NBEAL2: variants seen among roughly 807,000 people sequenced by gnomAD.
NBEAL2 encodes the protein neurobeachin like 2, also known as neurobeachin-like protein 2.
A neutral mutation model predicts 299.8 loss-of-function variants in NBEAL2; 160 were observed. That is an observed-to-expected ratio of 0.53 (90% CI 0.47 to 0.61). The LOEUF is 0.61. NBEAL2 is among the 20% of genes least tolerant of loss of function. NBEAL2 has a pLI of 0.00. For synonymous variants in NBEAL2, 1,493 were observed against 1,542.3 expected, an observed-to-expected ratio of 0.97 and a Z score of 0.75; for missense variants, 3,112 against 3,649.0, an observed-to-expected ratio of 0.85 and a Z score of 3.79.
intron 53 of NBEAL2, 23 bp downstream of exon 53, chr3:47,009,147 G>T: frequency 9.8e-7 from 1 of 1,022,212 alleles, no homozygotes; most frequent in Non-Finnish European, 1.5e-6. Flanking sequence ...CGGGGGTGGG[G>T]AGGCCCCTCG....
intron 45 of NBEAL2, among the ~76,000 whole-genome samples, chr3:47,006,792 G>T (rs1296315981): frequency 6.6e-6 from 1 of 152,100 alleles, no homozygotes; most frequent in African/African-American, 2.4e-5. Context: ...CTGCCTTTGG[G>T]CTAGGGGGAC....
intron 19 of NBEAL2, 44 bp from the exon 20 acceptor site, chr3:46,997,517 G>GCAGGC (rs2036593611): frequency 6.3e-7 from 1 of 1,584,214 alleles, no homozygotes; most frequent in Non-Finnish European, 8.6e-7. Flanking sequence ...CTGGCCACTG[G>GCAGGC]CAGGCCCTTG....
At chr3:46,985,925 C>T (rs1383542019) in intron 1 of NBEAL2, among the ~76,000 whole-genome samples, 1 of 152,226 alleles carries the variant, frequency 6.6e-6, no homozygotes, top group African/African-American at 2.4e-5. Context: ...TCACATGCAG[C>T]ACTGCCACCA....
chr3:46,992,584 C>T (rs1231765400), intron 10 of NBEAL2, 29 bp downstream of exon 10: 1 of 1,560,634 alleles, frequency 6.4e-7, no homozygotes, highest in Non-Finnish European at 8.7e-7. Context: ...CCAGCTCAGA[C>T]ACCCCCTGGG....
chr3:47,009,430 G>A lies in NBEAL2; in HGVS notation c.*110G>A. 2 of 971,662 alleles carry A rather than the reference G, an allele frequency of 2.1e-6. No individual in the cohort carries two copies. The highest frequency in any genetic ancestry group is 1.5e-5 in the South Asian group (1 of 66,032). 60.2% of individuals were successfully genotyped at this position (971,662 alleles called of 1,614,324 possible). ...GGGTGGGCAGCCCAGGGGGGTGAGC[G>A]GGGCCCACCCTGCCCAGCTCAGGGA... is the stretch of plus-strand genomic sequence containing the variant. On this transcript the variant is annotated 3_prime_UTR_variant, in exon 54 of 54. Transcript: ENST00000450053.
chr3:47,001,603 C>G lies in NBEAL2; in HGVS notation c.4645-86C>G, dbSNP rs1220474447. On this transcript the variant is annotated intron_variant, in intron 29 of 53. Transcript: ENST00000450053. This position sits in a 1 kb window ranked among gnomAD's most constrained non-coding sequence, Gnocchi z 6.1. ...CTGTGTGCACAAACCCTACCTGGCC[C>G]CCAGCGCAAACTTTACTTTGCTCCC... The G allele has an allele frequency of 1.9e-6, 3 of 1,583,310 alleles. No homozygotes were observed. The highest frequency in any genetic ancestry group is 2.6e-6 in the Non-Finnish European group (3 of 1,163,228).
At chr3:46,985,877 C>G (rs1279850627) in intron 1 of NBEAL2, among the ~76,000 whole-genome samples, 1 of 152,190 alleles carries the variant, frequency 6.6e-6, no homozygotes, top group Non-Finnish European at 1.5e-5. Flanking sequence ...GCATGGGAAG[C>G]CTGAGCATCA....
At chr3:46,994,390 G>A in intron 11 of NBEAL2, 65 bp from the exon 12 acceptor site, 5 of 1,428,878 alleles carry the variant, frequency 3.5e-6, no homozygotes, top group Non-Finnish European at 4.8e-6. Context: ...AGAGTTTCCA[G>A]GGGGTCTGAG....
rs1468687544 is a variant in NBEAL2 at position 46,998,977 on chromosome 3, C to T, written c.3403C>T (p.Leu1135=). 4.4e-6 allele frequency: 7 copies of T among 1,607,670 alleles called. No homozygotes were observed. The highest frequency in any genetic ancestry group is 5.9e-6 in the Non-Finnish European group (7 of 1,177,330). ...DDGQAVGALD[L]LLALLHGSLV... Reference sequence around the variant, plus strand: ...TCCCCAGGCGGTGGGTGCGCTGGACCTGCTGCTGGCCCTGCTGCACGGTTC... The same window carrying T: ...TCCCCAGGCGGTGGGTGCGCTGGACTTGCTGCTGGCCCTGCTGCACGGTTC... Residue 1135 remains leucine, a synonymous_variant, in exon 24 of 54, where the codon CTG becomes TTG. Coordinates refer to ENST00000450053, the MANE Select transcript of NBEAL2 (RefSeq NM_015175.3).
In NBEAL2 at chr3:46,996,823, A is replaced by T; in HGVS notation, c.2546A>T (p.Tyr849Phe). The change falls in exon 17 of 54, where the codon TAC becomes TTC. Residue 849 changes from tyrosine (Y) to phenylalanine (F), a missense_variant. Physicochemically the swap from Tyr to Phe is conservative, Grantham distance 22. This residue lies in a region of NBEAL2 where 2,243 missense variants were observed against 2,538.1 expected (regional missense o/e 0.88). Coordinates refer to ENST00000450053, the MANE Select transcript of NBEAL2 (RefSeq NM_015175.3). ...CTCAGCACCAGGCTGCTCCTCCATT[A>T]CTCACCTCAGGTATTTGGGGGCCCC... ...HELSTRLLLH[Y>F]SPQACKNNIC... The T allele has an allele frequency of 7.4e-6, 12 of 1,612,412 alleles. No homozygotes were observed. Among genetic ancestry groups the T allele is most frequent in the Non-Finnish European group, 1.0e-5 (12 of 1,179,710 alleles).
chr3:47,004,490 C>T lies in NBEAL2; in HGVS notation c.6199-5C>T, dbSNP rs762658810. The T allele has an allele frequency of 3.1e-6, 5 of 1,613,340 alleles. No individual in the cohort carries two copies. Among genetic ancestry groups the T allele is most frequent in the Non-Finnish European group, 4.2e-6 (5 of 1,179,518 alleles). On this transcript the variant is annotated splice_polypyrimidine_tract_variant and splice_region_variant and intron_variant, in intron 37 of 53. Transcript: ENST00000450053. This position sits in a 1 kb window ranked among gnomAD's most constrained non-coding sequence, Gnocchi z 5.0. ...GGCTCACATCTTGTCTGCCCCTGTC[C>T]CCAGAAATGGGTACAGCGTGAGATA...
chr3:47,000,305 T>C lies in NBEAL2; in HGVS notation c.4206T>C (p.Pro1402=), dbSNP rs534632209. 1.9e-6 allele frequency: 3 copies of C among 1,612,202 alleles called. No individual in the cohort carries two copies. The South Asian group carries it at 3.3e-5, about 18-fold the overall frequency. The change falls in exon 27 of 54, where the codon CCT becomes CCC. Residue 1402 remains proline, a synonymous_variant. Transcript: ENST00000450053. The surrounding 1 kb of genome is among the most constrained non-coding windows in gnomAD (Gnocchi z 4.5). Reference sequence around the variant, plus strand: ...GGCCGCGGCCCTTTCCTGCTGCTCCTGGCCGCCACAGCTCCAGTCTCTCCA... The same window carrying C: ...GGCCGCGGCCCTTTCCTGCTGCTCCCGGCCGCCACAGCTCCAGTCTCTCCA... ...LDGPRPFPAA[P]GRHSSSLSNV...
intron 15 of NBEAL2, 24 bp from the exon 16 acceptor site, chr3:46,996,247 G>T: frequency 6.2e-7 from 1 of 1,601,606 alleles, no homozygotes; most frequent in Non-Finnish European, 8.5e-7. Flanking sequence ...TGACCTGACC[G>T]CTCCCCCAAC....
In NBEAL2 at chr3:47,003,457, G is replaced by A. The variant is rs1405009978; in HGVS notation, c.5720+148G>A. On this transcript the variant is annotated intron_variant, in intron 35 of 53. Coordinates refer to ENST00000450053, the MANE Select transcript of NBEAL2 (RefSeq NM_015175.3). The surrounding 1 kb of genome is among the most constrained non-coding windows in gnomAD (Gnocchi z 7.0). ...CTGAAGGGACTGTCCAAAGCCAGAT[G>A]GTGAGTGGGAGAGTCTCCTAACAGG... 1 of 1,206,608 alleles carries A rather than the reference G, an allele frequency of 8.3e-7. No individual in the cohort carries two copies. The highest frequency in any genetic ancestry group is 1.1e-6 in the Non-Finnish European group (1 of 881,244). 74.7% of individuals were successfully genotyped at this position (1,206,608 alleles called of 1,614,324 possible). A position where few individuals can be genotyped will look rare whatever the true frequency, so the allele number is the denominator to read the frequency against.
chr3:46,981,044 G>T (rs1433460228), intron 1 of NBEAL2, among the ~76,000 whole-genome samples: 2 of 152,238 alleles, frequency 1.3e-5, no homozygotes, highest in Admixed American at 1.3e-4. Flanking sequence ...CGCTCAGGTT[G>T]TGAGAGGTCC....
rs766701748 is a variant in NBEAL2 at position 47,007,533 on chromosome 3, G to A, written c.7343G>A (p.Arg2448Gln). The part of the protein sequence containing the change: ...DPTMGSHKTQ[R>Q]LLSGPWVPGS... Reference sequence around the variant, plus strand: ...CCCCCTCACTGGGTCAGGACGCAGCGACTGCTGAGTGGCCCGTGGGTGCCA... The same window carrying A: ...CCCCCTCACTGGGTCAGGACGCAGCAACTGCTGAGTGGCCCGTGGGTGCCA... The change falls in exon 48 of 54, where the codon CGA (arginine) becomes CAA (glutamine). Residue 2448 changes from arginine to glutamine, a missense_variant. Transcript: ENST00000450053. The A allele has an allele frequency of 1.8e-5, 29 of 1,611,550 alleles. No individual in the cohort carries two copies. Among genetic ancestry groups the A allele is most frequent in the Admixed American group, 1.5e-4 (9 of 59,794 alleles).
rs769779191 is a variant in NBEAL2, at chr3:46,995,817, C to T, written c.2002C>T (p.Pro668Ser). The change falls in exon 14 of 54, where the codon CCC becomes TCC. Residue 668 changes from proline to serine, a missense_variant. Pro to Ser is a moderately conservative substitution (Grantham distance 74, BLOSUM62 -1). Coordinates refer to ENST00000450053, the MANE Select transcript of NBEAL2 (RefSeq NM_015175.3). ...TRKEYLTMSL[P>S]EVSFADSAWH... The stretch of plus-strand genomic sequence containing the variant: ...GAAGGAGTATTTGACCATGAGTTTG[C>T]CCGAAGTGTCCTTTGCCGACTCTGC... 6.2e-7 allele frequency: 1 copy of T among 1,613,866 alleles called. No homozygotes were observed. The highest frequency in any genetic ancestry group is 8.5e-7 in the Non-Finnish European group (1 of 1,179,868).
Position 47,005,810 on chromosome 3 carries a change from C to T in NBEAL2, c.6764C>T (p.Ser2255Phe). 6.2e-6 allele frequency: 10 copies of T among 1,613,388 alleles called. No individual in the cohort carries two copies. Among genetic ancestry groups the T allele is most frequent in the Non-Finnish European group, 8.5e-6 (10 of 1,179,864 alleles). ...GDVVLPPWAS[S>F]PEDFIQQHRQ... ...GTGGTGCTACCCCCGTGGGCCAGCTCTCCTGAGGACTTCATCCAGCAGCAC... is the reference window on the plus strand; with the variant it reads ...GTGGTGCTACCCCCGTGGGCCAGCTTTCCTGAGGACTTCATCCAGCAGCAC... The change falls in exon 42 of 54, where the codon TCT becomes TTT. Residue 2255 changes from serine to phenylalanine, a missense_variant. Ser to Phe is a radical substitution (Grantham distance 155). Transcript: ENST00000450053.
Position 47,000,175 on chromosome 3 carries a change from G to T in NBEAL2, c.4076G>T (p.Gly1359Val). 6.2e-7 allele frequency: 1 copy of T among 1,613,838 alleles called. No individual in the cohort carries two copies. Among genetic ancestry groups the T allele is most frequent in the South Asian group, 1.1e-5 (1 of 91,080 alleles). The change falls in exon 27 of 54, where the codon GGC becomes GTC. Residue 1359 changes from glycine to valine, a missense_variant. Around this residue, in one of 3 missense-constraint regions of NBEAL2, gnomAD observed 2,243 missense variants for 2,538.1 expected, o/e 0.88. Transcript: ENST00000450053. The surrounding 1 kb of genome is among the most constrained non-coding windows in gnomAD (Gnocchi z 4.5). Reference sequence around the variant, plus strand: ...CCATTCTGCACGCCCTTTGACCTGGGCCTGGAACGGTCTAGTGTAGGATCA... The same window carrying T: ...CCATTCTGCACGCCCTTTGACCTGGTCCTGGAACGGTCTAGTGTAGGATCA... ...LSPFCTPFDL[G>V]LERSSVGSGN...
Sources: allele counts gnomAD v4.1 joint callset (sites outside exome capture counted in the v4.1 genomes callset), GRCh38; gene constraint gnomAD v4.1.1; regional missense constraint gnomAD v4.1.1; non-coding constraint Gnocchi (gnomAD v3.1); transcripts MANE v1.5; gene names NCBI Gene and HGNC (gene_info 2026-07-23, HGNC 2026-07-21).